NPSR1: variants seen among roughly 807,000 people sequenced by gnomAD.
NPSR1 encodes the protein neuropeptide S receptor 1.
Under a neutral mutation model 46.9 loss-of-function variants are expected in NPSR1, and 48 were observed. The ratio of observed to expected loss-of-function variants is 1.02; its 90% CI spans 0.81 to 1.30. The LOEUF (loss-of-function observed/expected upper bound fraction) is 1.30, where lower values mean the gene tolerates loss of function less well. NPSR1 is among the 50% of genes most tolerant of loss of function. The pLI, the probability that NPSR1 is intolerant of heterozygous loss-of-function variation, is 0.00. For missense variants in NPSR1, 450 were observed against 449.5 expected (o/e 1.00, Z -0.01); for synonymous variants, 176 against 168.1 (o/e 1.05, Z -0.36).
At chr7:34,836,391 A>C (rs1790371785) in intron 6 of NPSR1, among the ~76,000 whole-genome samples, 1 of 152,186 alleles carries the variant, frequency 6.6e-6, no homozygotes, top group African/African-American at 2.4e-5. Flanking sequence ...AATCCAACAG[A>C]ACAGAAATGC....
At chr7:34,792,509 A>G (rs1273749755) in intron 3 of NPSR1, among the ~76,000 whole-genome samples, 1 of 146,512 alleles carries the variant, frequency 6.8e-6, no homozygotes, top group Non-Finnish European at 1.5e-5. Context: ...AAACACACAC[A>G]CACACACATA....
At chr7:34,808,702 T>C (rs752889248) in intron 3 of NPSR1, among the ~76,000 whole-genome samples, 19 of 152,176 alleles carry the variant, frequency 1.2e-4, no homozygotes, top group Non-Finnish European at 2.4e-4. Context: ...CCTTCTTATA[T>C]ATCTGAGAAA....
rs559897126 is a variant in NPSR1 at position 34,873,735 on chromosome 7, G to A, written c.1026-4341G>A. ...CTCCAACATTGGGGGTTACATTTCA[G>A]CATGAGATTTGGAGGGGACAAACAT... is the stretch of plus-strand genomic sequence containing the variant. On this transcript the variant is annotated intron_variant, in intron 8 of 8. Coordinates refer to the NPSR1 transcript ENST00000359791. 1.1e-3 allele frequency among the ~76,000 whole-genome samples: 170 copies of A among 151,832 alleles called. 3 individuals are homozygous for A. The highest frequency in any genetic ancestry group is 3.4e-3 in the Middle Eastern group (1 of 294).
At chr7:34,812,688 C>T (rs949729067) in intron 4 of NPSR1, among the ~76,000 whole-genome samples, 4 of 152,152 alleles carry the variant, frequency 2.6e-5, no homozygotes, top group Non-Finnish European at 5.9e-5. Context: ...CAATCAGAGA[C>T]CACTCTCCTC....
intron 4 of NPSR1, among the ~76,000 whole-genome samples, chr7:34,822,201 G>T (rs1164058366): frequency 6.6e-6 from 1 of 152,170 alleles, no homozygotes; most frequent in Non-Finnish European, 1.5e-5. Context: ...CCCAACGCGG[G>T]AGTCATTTTA....
chr7:34,839,219 G>A (rs778926066), intron 6 of NPSR1, among the ~76,000 whole-genome samples: 9 of 152,222 alleles, frequency 5.9e-5, no homozygotes, highest in Non-Finnish European at 1.2e-4. Context: ...TGACATGTTC[G>A]TGGATAGTAA....
chr7:34,659,218 A>G (rs1377307135), intron 1 of NPSR1, among the ~76,000 whole-genome samples: 2 of 152,198 alleles, frequency 1.3e-5, no homozygotes, highest in Non-Finnish European at 2.9e-5. Flanking sequence ...ATTGTTTCTT[A>G]TTCCGCAACA....
intron 2 of NPSR1, among the ~76,000 whole-genome samples, chr7:34,717,920 A>G (rs1177854200): frequency 6.6e-6 from 1 of 152,224 alleles, no homozygotes. Flanking sequence ...GAATCCCCTG[A>G]ACCAGGAAAA....
intron 6 of NPSR1, among the ~76,000 whole-genome samples, chr7:34,837,664 G>T (rs927505290): frequency 1.3e-5 from 2 of 152,196 alleles, no homozygotes; most frequent in East Asian, 1.9e-4. Flanking sequence ...AGGCTCTAAG[G>T]TTAAGCAGTT....
At chr7:34,674,285 A>AAGTCTTAATT (rs1487145366) in intron 1 of NPSR1, among the ~76,000 whole-genome samples, 2 of 152,168 alleles carry the variant, frequency 1.3e-5, no homozygotes, top group Non-Finnish European at 2.9e-5. Flanking sequence ...CTCATTCTCC[A>AAGTCTTAATT]AGTCTAATTA....
intron 4 of NPSR1, among the ~76,000 whole-genome samples, chr7:34,819,929 G>T: frequency 6.6e-6 from 1 of 152,282 alleles, no homozygotes; most frequent in African/African-American, 2.4e-5. Flanking sequence ...CAGGGAGTGA[G>T]GGGCTGGGGG....
chr7:34,764,415 A>G (rs1786329595), intron 2 of NPSR1, among the ~76,000 whole-genome samples: 1 of 152,230 alleles, frequency 6.6e-6, no homozygotes, highest in African/African-American at 2.4e-5. Context: ...TCCATCCTGC[A>G]GCTTATTTTT....
At chr7:34,831,551 T>G (rs1181459411) in intron 5 of NPSR1, among the ~76,000 whole-genome samples, 1 of 152,102 alleles carries the variant, frequency 6.6e-6, no homozygotes, top group African/African-American at 2.4e-5. Context: ...GAGAGCTGCG[T>G]ATGAATAAAG....
chr7:34,795,172 T>C (rs193087259), intron 3 of NPSR1, among the ~76,000 whole-genome samples: 8 of 152,294 alleles, frequency 5.3e-5, no homozygotes, highest in African/African-American at 1.7e-4. Context: ...GTCACAAGAT[T>C]ATAACAACAG....
At position 34,844,966 on chromosome 7, in the gene NPSR1, C is replaced by T; in HGVS notation, c.828C>T (p.Ser276=). The stretch of plus-strand genomic sequence containing the variant: ...CAAAAATCAAGGCTATCAAGTATAG[C>T]ATCATCATCATTCTTGGTAAGCAAT... ...SKAKIKAIKY[S]IIIILAFICC... The change falls in exon 7 of 9, where the codon AGC becomes AGT. Residue 276 remains serine, a synonymous_variant. Coordinates refer to ENST00000360581, the MANE Select transcript of NPSR1 (RefSeq NM_207172.2). The T allele has an allele frequency of 6.2e-7, 1 of 1,608,430 alleles. No homozygotes were observed.
intron 2 of NPSR1, among the ~76,000 whole-genome samples, chr7:34,735,104 G>C (rs1269826769): frequency 6.6e-6 from 1 of 152,188 alleles, no homozygotes; most frequent in East Asian, 1.9e-4. Flanking sequence ...CCTAAACCAT[G>C]TGGATGAAGA....
intron 4 of NPSR1, among the ~76,000 whole-genome samples, chr7:34,817,773 T>C (rs899869377): frequency 2.0e-5 from 3 of 152,114 alleles, no homozygotes; most frequent in Admixed American, 1.3e-4. Flanking sequence ...CATATGCAAA[T>C]TGATAAACGT....
intron 6 of NPSR1, among the ~76,000 whole-genome samples, chr7:34,844,109 T>A (rs1396792852): frequency 6.6e-6 from 1 of 152,272 alleles, no homozygotes; most frequent in Non-Finnish European, 1.5e-5. Context: ...CTGACATTTT[T>A]ATCCCCAAAT....
chr7:34,771,960 C>A (rs1179250792), intron 2 of NPSR1, among the ~76,000 whole-genome samples: 3 of 152,148 alleles, frequency 2.0e-5, no homozygotes, highest in Non-Finnish European at 4.4e-5. Context: ...TCTTTTAAAC[C>A]ATGAAGTCTA....
Sources: allele counts gnomAD v4.1 joint callset (sites outside exome capture counted in the v4.1 genomes callset), GRCh38; gene constraint gnomAD v4.1.1; transcripts MANE v1.5; gene names NCBI Gene and HGNC (gene_info 2026-07-23, HGNC 2026-07-21).